Variants in RERG observed in about 807,000 individuals in gnomAD.
RERG encodes RAS like estrogen regulated growth inhibitor.
Under a neutral mutation model 23.2 loss-of-function variants are expected in RERG, and 25 were observed. The ratio of observed to expected loss-of-function variants is 1.08; its 90% CI spans 0.79 to 1.50. RERG has a LOEUF of 1.50. RERG is among the 40% of genes most tolerant of loss of function. RERG has a pLI of 0.00. For missense variants in RERG, 253 were observed against 250.1 expected (o/e 1.01, Z -0.08); for synonymous variants, 81 against 89.1 (o/e 0.91, Z 0.51).
chr12:15,209,981 C>A (rs1865345067), intron 2 of RERG, among the ~76,000 whole-genome samples: 1 of 152,178 alleles, frequency 6.6e-6, no homozygotes, highest in Admixed American at 6.5e-5. Context: ...TTATCTATTT[C>A]AGACTGCCCT....
intron 2 of RERG, among the ~76,000 whole-genome samples, chr12:15,155,812 C>T (rs1864513380): frequency 6.6e-6 from 1 of 151,950 alleles, no homozygotes; most frequent in Non-Finnish European, 1.5e-5. Context: ...GGATCTTTCA[C>T]CCCTTTTGTG....
intron 2 of RERG, among the ~76,000 whole-genome samples, chr12:15,208,097 G>A (rs1204162350): frequency 6.6e-6 from 1 of 152,122 alleles, no homozygotes; most frequent in Non-Finnish European, 1.5e-5. Flanking sequence ...ACGGCCTTAA[G>A]TGAAAAAACT....
chr12:15,139,195 T>G (rs1264031448), intron 2 of RERG, among the ~76,000 whole-genome samples: 1 of 152,102 alleles, frequency 6.6e-6, no homozygotes, highest in Non-Finnish European at 1.5e-5. Context: ...ATCTGTCTAT[T>G]TGTTCATGAA....
chr12:15,109,163 T>C lies in RERG; in HGVS notation c.547A>G (p.Thr183Ala). ...TTAATGGCTTGCTTGACATGCGTGG[T>C]GGAGCTGCGTCGCCTCGTCTTGCCC... ...VQGKTRRRSS[T>A]THVKQAINKM... The change falls in exon 5 of 5, where the codon ACC (threonine) becomes GCC (alanine). Residue 183 changes from threonine to alanine, a missense_variant. Thr to Ala is a moderately conservative substitution (Grantham distance 58, BLOSUM62 0). Transcript: ENST00000256953. 1 of 1,608,056 alleles carries C rather than the reference T, an allele frequency of 6.2e-7. No homozygotes were observed. The highest frequency in any genetic ancestry group is 2.2e-5 in the East Asian group (1 of 44,834).
intron 2 of RERG, among the ~76,000 whole-genome samples, chr12:15,165,511 A>T (rs185081684): frequency 3.3e-4 from 51 of 152,332 alleles, no homozygotes; most frequent in African/African-American, 1.1e-3. Context: ...CCTTCATTTC[A>T]TGTACTGCCT....
In RERG at chr12:15,118,381, A is replaced by G. The variant is rs1201954543; in HGVS notation, c.118+2682T>C. On this transcript the variant is annotated intron_variant, in intron 3 of 4. Transcript: ENST00000256953. Reference sequence around the variant, plus strand: ...GGAGTAACAATTCTGTTCCAGGTTTAAAAAAAAACTGCCCCATGTTTCTCA... The same window carrying G: ...GGAGTAACAATTCTGTTCCAGGTTTGAAAAAAAACTGCCCCATGTTTCTCA... 1.3e-4 allele frequency among the ~76,000 whole-genome samples: 19 copies of G among 151,628 alleles called. No homozygotes were observed. In the East Asian group the frequency reaches 2.7e-3, roughly 22 times the overall value.
intron 2 of RERG, among the ~76,000 whole-genome samples, chr12:15,122,678 A>ATGC (rs1863853549): frequency 6.6e-6 from 1 of 152,170 alleles, no homozygotes; most frequent in Non-Finnish European, 1.5e-5. Flanking sequence ...TACATACAGG[A>ATGC]AGCAGTAAGC....
intron 2 of RERG, among the ~76,000 whole-genome samples, chr12:15,206,912 G>A (rs1262808211): frequency 6.6e-6 from 1 of 152,114 alleles, no homozygotes; most frequent in Non-Finnish European, 1.5e-5. Flanking sequence ...AAGCATGGGA[G>A]AGAGAAACAA....
intron 2 of RERG, among the ~76,000 whole-genome samples, chr12:15,164,752 C>G (rs1388812849): frequency 6.6e-6 from 1 of 152,202 alleles, no homozygotes; most frequent in African/African-American, 2.4e-5. Flanking sequence ...ATCTCTCCCT[C>G]AGAAATTTGC....
chr12:15,203,988 A>C lies in RERG; in HGVS notation c.61+13441T>G, dbSNP rs187226228. Among the ~76,000 whole-genome samples the C allele has an allele frequency of 1.8e-3, 278 of 151,840 alleles. No individual in the cohort carries two copies. The Middle Eastern group carries it at 0.021, about 11-fold the overall frequency. ...GAAGACTTATAATGTTAAAATGTTC[A>C]TCCTACACAAAGAAACCTACATATT... On this transcript the variant is annotated intron_variant, in intron 2 of 4. Coordinates refer to ENST00000256953, the MANE Select transcript of RERG (RefSeq NM_032918.3).
intron 2 of RERG, among the ~76,000 whole-genome samples, chr12:15,138,572 T>C (rs1864182147): frequency 6.6e-6 from 1 of 152,046 alleles, no homozygotes; most frequent in Non-Finnish European, 1.5e-5. Flanking sequence ...AATTTCTATT[T>C]ACATTAACCA....
At chr12:15,214,027 TGTGTGTGTGTGCGC>T (rs1251669523) in intron 2 of RERG, among the ~76,000 whole-genome samples, 1,457 of 121,822 alleles carry the variant, frequency 0.012, 25 homozygotes, top group African/African-American at 0.053. Context: ...TGTGTGTGTG[TGTGTGTGTGTGCGC>T]GTGTGTGGAG....
chr12:15,128,816 C>G (rs560149965), intron 2 of RERG, among the ~76,000 whole-genome samples: 15 of 152,296 alleles, frequency 9.8e-5, no homozygotes, highest in African/African-American at 3.6e-4. Context: ...GCTCCTTCTT[C>G]TTCCCTCCCT....
chr12:15,123,768 C>T (rs1269389243), intron 2 of RERG, among the ~76,000 whole-genome samples: 3 of 151,908 alleles, frequency 2.0e-5, no homozygotes, highest in African/African-American at 7.3e-5. Flanking sequence ...CTATCTTGAG[C>T]AAAGTTTGTC....
intron 2 of RERG, among the ~76,000 whole-genome samples, chr12:15,211,107 G>A (rs1316667396): frequency 6.6e-6 from 1 of 152,092 alleles, no homozygotes; most frequent in Non-Finnish European, 1.5e-5. Flanking sequence ...TGGGCAGAGG[G>A]AAGCATAATC....
At position 15,180,115 on chromosome 12, in the gene RERG, T is replaced by C. The variant is rs190718227; in HGVS notation, c.61+37314A>G. On this transcript the variant is annotated intron_variant, in intron 2 of 4. Coordinates refer to ENST00000256953, the MANE Select transcript of RERG (RefSeq NM_032918.3). ...GCATTCCTAGTTAGAAATTTAACTT[T>C]TTTTAAACAAGGAAAACCAAGAAAT... Among the ~76,000 whole-genome samples, 68 of 152,324 alleles carry C rather than the reference T, an allele frequency of 4.5e-4. 1 individual carries two copies. Among genetic ancestry groups the C allele is most frequent in the African/African-American group, 1.6e-3 (67 of 41,582 alleles).
intron 2 of RERG, among the ~76,000 whole-genome samples, chr12:15,180,898 C>A (rs917247181): frequency 3.3e-5 from 5 of 152,156 alleles, no homozygotes; most frequent in African/African-American, 1.2e-4. Flanking sequence ...AGTTAGGCAG[C>A]CCCATGAGTT....
intron 2 of RERG, among the ~76,000 whole-genome samples, chr12:15,216,518 G>T (rs1004583717): frequency 8.5e-5 from 13 of 152,256 alleles, no homozygotes; most frequent in African/African-American, 3.1e-4. Context: ...TAATGTATTG[G>T]ATTATACAGT....
intron 2 of RERG, among the ~76,000 whole-genome samples, chr12:15,200,947 C>T (rs1156340441): frequency 1.3e-5 from 2 of 151,838 alleles, no homozygotes; most frequent in African/African-American, 4.8e-5. Flanking sequence ...CAATTTCCAT[C>T]CTCCTCCCTT....
Sources: gnomAD v4.1 joint callset for allele counts (sites outside exome capture counted in the v4.1 genomes callset) on GRCh38, gnomAD v4.1.1 for gene constraint, MANE v1.5 for transcripts, NCBI Gene and HGNC (gene_info 2026-07-23, HGNC 2026-07-21) for gene names.